ZFHX3: variants seen among roughly 807,000 people sequenced by gnomAD.
The protein encoded by ZFHX3 is zinc finger homeobox 3.
A neutral mutation model predicts 279.1 loss-of-function variants in ZFHX3; 42 were observed. The ratio of observed to expected loss-of-function variants is 0.15; its 90% CI spans 0.12 to 0.19. The LOEUF is 0.19. Among genes scored for constraint, ZFHX3 ranks in the 10% least tolerant of loss-of-function variants. The pLI, the probability that ZFHX3 is intolerant of heterozygous loss-of-function variation, is 1.00. For synonymous variants in ZFHX3, 2,293 were observed against 1,957.8 expected (o/e 1.17, Z -4.52); for missense variants, 4,981 against 4,754.0 (o/e 1.05, Z -1.40).
chr16:73,471,101 CA>C (rs2143602659), intron 2 of ZFHX3, among the ~76,000 whole-genome samples: 1 of 152,220 alleles, frequency 6.6e-6, no homozygotes, highest in South Asian at 2.1e-4. Flanking sequence ...TGTCTAATGA[CA>C]TCTATTCAGG....
rs11286052 is a variant in ZFHX3, at chr16:73,581,659, C to CTTTTT, written c.-1547+98516_-1547+98520dup. 1.2e-3 allele frequency among the ~76,000 whole-genome samples: 88 copies of CTTTTT among 73,434 alleles called. 7 individuals carry two copies. Among genetic ancestry groups the CTTTTT allele is most frequent in the African/African-American group, 3.4e-3 (60 of 17,478 alleles). 48.2% of individuals were successfully genotyped at this position (73,434 alleles called of 152,430 possible). ...GTCAAGCATAAAACTTCGAATGTCTCTTTTTTTTTTTTTTTTTTTTTTTTT... is the reference window on the plus strand; with the variant it reads ...GTCAAGCATAAAACTTCGAATGTCTCTTTTTTTTTTTTTTTTTTTTTTTTTTTTTT... On this transcript the variant is annotated intron_variant, in intron 2 of 17. Coordinates refer to the ZFHX3 transcript ENST00000641206.
intron 4 of ZFHX3, among the ~76,000 whole-genome samples, chr16:72,866,027 C>G (rs967093240): frequency 6.6e-6 from 1 of 152,052 alleles, no homozygotes; most frequent in African/African-American, 2.4e-5. Context: ...GAGGCTGCAG[C>G]CCAGAAAGAT....
At chr16:73,123,920 T>C (rs1384465633) in intron 7 of ZFHX3, among the ~76,000 whole-genome samples, 2 of 152,146 alleles carry the variant, frequency 1.3e-5, no homozygotes, top group African/African-American at 4.8e-5. Context: ...AATTTGCCAG[T>C]ACATTGATCT....
At chr16:73,536,686 C>T (rs1350529878) in intron 2 of ZFHX3, among the ~76,000 whole-genome samples, 1 of 152,168 alleles carries the variant, frequency 6.6e-6, no homozygotes, top group Non-Finnish European at 1.5e-5. Flanking sequence ...AGGAAAACAT[C>T]ACATCAGTTA....
chr16:73,280,393 A>T (rs2014426567), intron 4 of ZFHX3, among the ~76,000 whole-genome samples: 1 of 152,222 alleles, frequency 6.6e-6, no homozygotes, highest in African/African-American at 2.4e-5. Context: ...AAAAACTCAT[A>T]CAACTGAATA....
At chr16:73,311,453 G>GGTGTA (rs2015323328) in intron 4 of ZFHX3, among the ~76,000 whole-genome samples, 1 of 7,862 alleles carries the variant, frequency 1.3e-4, no homozygotes. Flanking sequence ...AAATTAGCCA[G>GGTGTA]GTGGCAGACG....
At position 72,841,910 on chromosome 16, in the gene ZFHX3, G is replaced by A. The variant is rs972509021; in HGVS notation, c.3449-12051C>T. 5.3e-5 allele frequency among the ~76,000 whole-genome samples: 8 copies of A among 152,186 alleles called. 1 individual carries two copies. Among genetic ancestry groups the A allele is most frequent in the African/African-American group, 1.7e-4 (7 of 41,436 alleles). On this transcript the variant is annotated intron_variant, in intron 4 of 9. Transcript: ENST00000268489. The stretch of plus-strand genomic sequence containing the variant: ...CACACCCCATCCTGTTTAGTGGTGG[G>A]AATATTCGAAAACAACAAATACATG...
intron 1 of ZFHX3, among the ~76,000 whole-genome samples, chr16:73,811,813 A>G (rs1263685866): frequency 1.3e-5 from 2 of 152,010 alleles, no homozygotes; most frequent in African/African-American, 4.8e-5. Context: ...TTGTGATGCT[A>G]TCTTTTGGTG....
At chr16:73,372,459 C>A (rs546653824) in intron 3 of ZFHX3, among the ~76,000 whole-genome samples, 1 of 152,064 alleles carries the variant, frequency 6.6e-6, no homozygotes, top group Admixed American at 6.6e-5. Context: ...CCCCCAAATT[C>A]AAATAAAGAA....
intron 5 of ZFHX3, among the ~76,000 whole-genome samples, chr16:73,148,625 C>T (rs1966880189): frequency 8.6e-6 from 1 of 116,364 alleles, no homozygotes; most frequent in Admixed American, 1.2e-4. Flanking sequence ...CTGAACTTCT[C>T]TGTGCTTCCA....
At chr16:73,670,107 A>C (rs2052887765) in intron 2 of ZFHX3, among the ~76,000 whole-genome samples, 1 of 152,210 alleles carries the variant, frequency 6.6e-6, no homozygotes, top group Non-Finnish European at 1.5e-5. Flanking sequence ...CCAGCTGGAT[A>C]AGGTGGTTTC....
intron 2 of ZFHX3, among the ~76,000 whole-genome samples, chr16:73,459,972 A>G (rs1304312096): frequency 6.6e-6 from 1 of 152,292 alleles, no homozygotes; most frequent in East Asian, 1.9e-4. Context: ...GTGGGGACAC[A>G]AGGCCTAACC....
intron 4 of ZFHX3, among the ~76,000 whole-genome samples, chr16:73,266,449 G>A (rs528443197): frequency 5.9e-5 from 9 of 152,264 alleles, no homozygotes; most frequent in African/African-American, 2.2e-4. Flanking sequence ...TAAATGAAGA[G>A]CTAGGAGGTG....
intron 2 of ZFHX3, among the ~76,000 whole-genome samples, chr16:73,586,360 G>C (rs2143832617): frequency 1.3e-5 from 2 of 151,692 alleles, no homozygotes; most frequent in South Asian, 4.2e-4. Flanking sequence ...CTGCACTCCA[G>C]CCTGGGTGAC....
chr16:73,570,855 G>T (rs1359326457), intron 2 of ZFHX3, among the ~76,000 whole-genome samples: 2 of 151,140 alleles, frequency 1.3e-5, no homozygotes. Context: ...GTATTTTTAA[G>T]GCAATGCCCA....
At chr16:72,908,762 C>A (rs758949990) in intron 3 of ZFHX3, among the ~76,000 whole-genome samples, 1 of 152,128 alleles carries the variant, frequency 6.6e-6, no homozygotes, top group South Asian at 2.1e-4. Flanking sequence ...CACGGCGATA[C>A]GAGAACCTAC....
At chr16:72,882,087 C>T (rs1736582039) in intron 4 of ZFHX3, among the ~76,000 whole-genome samples, 1 of 152,036 alleles carries the variant, frequency 6.6e-6, no homozygotes, top group Non-Finnish European at 1.5e-5. Context: ...GGACCCCCGC[C>T]CAATGCTCAC....
intron 3 of ZFHX3, among the ~76,000 whole-genome samples, chr16:73,343,168 A>G (rs906399396): frequency 3.3e-5 from 5 of 151,766 alleles, no homozygotes; most frequent in Admixed American, 2.0e-4. Flanking sequence ...CAGGAAGGGG[A>G]AAGCTAAAAT....
chr16:73,671,883 C>T (rs2052907654), intron 2 of ZFHX3, among the ~76,000 whole-genome samples: 6 of 152,056 alleles, frequency 3.9e-5, no homozygotes, highest in Admixed American at 3.9e-4. Flanking sequence ...AACCTATATA[C>T]ATCTCTCTCA....
Sources: gnomAD v4.1 joint callset for allele counts (sites outside exome capture counted in the v4.1 genomes callset) on GRCh38, gnomAD v4.1.1 for gene constraint, MANE v1.5 for transcripts, NCBI Gene and HGNC (gene_info 2026-07-23, HGNC 2026-07-21) for gene names.